SPATA25: variants seen among roughly 807,000 people sequenced by gnomAD.
SPATA25 encodes spermatogenesis associated 25, also known as spermatogenesis-associated protein 25.
Under a neutral mutation model 16.0 loss-of-function variants are expected in SPATA25, and 16 were observed. That is an observed-to-expected ratio of 1.00 (90% CI 0.68 to 1.52). SPATA25 has a LOEUF of 1.52. SPATA25 is among the 40% of genes most tolerant of loss of function. SPATA25 has a pLI of 0.00. For synonymous variants in SPATA25, 115 were observed against 118.5 expected (o/e 0.97, Z 0.19); for missense variants, 285 against 289.2 (o/e 0.99, Z 0.11).
rs2145805236 is a variant in SPATA25 at position 45,887,599 on chromosome 20, C to G, written c.-9G>C. ...GTCCTGAAGTAGGACATGGCTTCCC[C>G]AAAGCCCCGGTTTGTGAGGGAATAG... On this transcript the variant is annotated 5_prime_UTR_variant, in exon 1 of 2. Transcript: ENST00000372519. 6.2e-7 allele frequency: 1 copy of G among 1,613,146 alleles called. No individual in the cohort carries two copies. Among genetic ancestry groups the G allele is most frequent in the South Asian group, 1.1e-5 (1 of 90,812 alleles).
At chr20:45,888,771 C>G (rs1432006369), upstream of SPATA25, 3 of 1,613,988 alleles carry the variant, frequency 1.9e-6, no homozygotes, top group African/African-American at 2.7e-5. Context: ...CTCATACTTG[C>G]AGAAATCCTT....
At chr20:45,889,036 T>C, upstream of SPATA25, 1 of 710,180 alleles carries the variant, frequency 1.4e-6, no homozygotes, top group East Asian at 2.7e-5. Context: ...AAGCACCTCT[T>C]CCTGAGAGCT....
chr20:45,890,361 C>A, upstream of SPATA25: 1 of 1,612,870 alleles, frequency 6.2e-7, no homozygotes, highest in Middle Eastern at 1.6e-4. Context: ...CCCATGTCCT[C>A]GCCGTTGATG....
At chr20:45,887,193 AG>A in intron 1 of SPATA25, 48 bp from the exon 2 acceptor site, 1 of 1,536,320 alleles carries the variant, frequency 6.5e-7, no homozygotes, top group Non-Finnish European at 8.7e-7. Context: ...TTCTTTGAGG[AG>A]GGGGCCCTGA....
At chr20:45,890,455 G>C (rs1173090985), upstream of SPATA25, 1 of 1,606,416 alleles carries the variant, frequency 6.2e-7, no homozygotes. Flanking sequence ...GAGGCAGCAC[G>C]TTCAGCTCAT....
At chr20:45,889,324 C>G (rs557454731), upstream of SPATA25, among the ~76,000 whole-genome samples, 5 of 152,116 alleles carry the variant, frequency 3.3e-5, no homozygotes, top group South Asian at 1.0e-3. Context: ...GCCAATATGC[C>G]CAAGTCTATG....
At chr20:45,890,258 T>TGTAGGTAGGTA (rs1986695460), upstream of SPATA25, 3 of 1,613,718 alleles carry the variant, frequency 1.9e-6, no homozygotes, top group African/African-American at 4.0e-5. Context: ...ACAGCCATAC[T>TGTAGGTAGGTA]CGAGCTGGAC....
Position 45,887,117 on chromosome 20 carries a change from A to G in SPATA25, c.84T>C (p.Leu28=), listed in dbSNP as rs765029599. 4 of 1,597,038 alleles carry G rather than the reference A, an allele frequency of 2.5e-6. No homozygotes were observed. The Admixed American group carries it at 5.0e-5, about 20-fold the overall frequency. ...CTGGCTCTACAGGACTACAGAGGCC[A>G]AGGGACAAGCCTGGAGAAGCAGCCC... ...QGGAASPGLS[L]GLCSPVEPVV... Residue 28 remains leucine, a synonymous_variant, in exon 2 of 2, where the codon CTT becomes CTC. Coordinates refer to ENST00000372519, the MANE Select transcript of SPATA25 (RefSeq NM_080608.4).
At chr20:45,888,795 A>G, upstream of SPATA25, 1 of 1,614,126 alleles carries the variant, frequency 6.2e-7, no homozygotes, top group Non-Finnish European at 8.5e-7. Context: ...TTCTTTGGGC[A>G]GGTGGAGCCC....
At position 45,886,821 on chromosome 20, in the gene SPATA25, A is replaced by G. The variant is rs767533722; in HGVS notation, c.380T>C (p.Leu127Pro). The stretch of plus-strand genomic sequence containing the variant: ...TAGAACCCGTGGTGACAGCCCACAC[A>G]GCATCAGGGGCCTAGGCCTGCTGGG... ...GGPSRPRPLM[L>P]CGLSPRVLPV... Residue 127 changes from leucine to proline, a missense_variant, in exon 2 of 2, where the codon CTG (leucine) becomes CCG (proline). By Grantham distance (98) the Leu-to-Pro change is moderately conservative. Coordinates refer to ENST00000372519, the MANE Select transcript of SPATA25 (RefSeq NM_080608.4). 1.2e-6 allele frequency: 2 copies of G among 1,613,908 alleles called. No homozygotes were observed. Among genetic ancestry groups the G allele is most frequent in the Non-Finnish European group, 1.7e-6 (2 of 1,180,034 alleles).
Position 45,887,563 on chromosome 20 carries a change from GAGTTTGTGGAGTC to G in SPATA25, c.15_27del (p.Arg5SerfsTer26), listed in dbSNP as rs781642138. On this transcript the variant is annotated frameshift_variant, in exon 1 of 2. Transcript: ENST00000372519. LOFTEE classifies it high-confidence loss of function. ...TGGCCGGAAGGCAGAGGACCTGGAT[GAGTTTGTGGAGTC>G]CTGAAGTAGGACATGGCTTCCCCAA... is the stretch of plus-strand genomic sequence containing the variant. The G allele has an allele frequency of 1.9e-6, 3 of 1,613,734 alleles. No individual in the cohort carries two copies. The African/African-American group carries it at 4.0e-5, about 22-fold the overall frequency.
In SPATA25 at chr20:45,886,851, C is replaced by G; in HGVS notation, c.350G>C (p.Gly117Ala). 6.2e-7 allele frequency: 1 copy of G among 1,613,986 alleles called. No homozygotes were observed. The highest frequency in any genetic ancestry group is 1.3e-5 in the African/African-American group (1 of 75,072). Residue 117 changes from glycine (G) to alanine (A), a missense_variant, in exon 2 of 2, where the codon GGT (glycine) becomes GCT (alanine). Physicochemically the swap from Gly to Ala is moderately conservative, Grantham distance 60. Coordinates refer to ENST00000372519, the MANE Select transcript of SPATA25 (RefSeq NM_080608.4). ...CAGGGGCCTAGGCCTGCTGGGGCCACCCAGGTCAGGGGCTCTGCTTCTGGA... is the reference window on the plus strand; with the variant it reads ...CAGGGGCCTAGGCCTGCTGGGGCCAGCCAGGTCAGGGGCTCTGCTTCTGGA... ...GYSRSRAPDLGGPSRPRPLML... is the reference protein window; with the variant it reads ...GYSRSRAPDLAGPSRPRPLML...
At chr20:45,888,066 G>A (rs936216033), upstream of SPATA25, among the ~76,000 whole-genome samples, 1 of 152,132 alleles carries the variant, frequency 6.6e-6, no homozygotes, top group African/African-American at 2.4e-5. Context: ...CTGGAAGGCT[G>A]GAGTGCAGGA....
chr20:45,889,197 A>C (rs1986611698), upstream of SPATA25, among the ~76,000 whole-genome samples: 1 of 152,146 alleles, frequency 6.6e-6, no homozygotes, highest in Middle Eastern at 3.2e-3. Flanking sequence ...GTTCTGGTGC[A>C]TTGAGTTCAT....
At chr20:45,890,567 A>T, upstream of SPATA25, 1 of 1,612,006 alleles carries the variant, frequency 6.2e-7, no homozygotes, top group Middle Eastern at 1.7e-4. Context: ...TGGTTCCACG[A>T]GGAGGGTTGG....
chr20:45,888,954 C>T (rs1302653184), upstream of SPATA25: 5 of 1,540,358 alleles, frequency 3.2e-6, no homozygotes, highest in Non-Finnish European at 4.4e-6. Flanking sequence ...AGGTCATGGT[C>T]CCCACTTTGT....
chr20:45,888,687 C>G (rs1986576284), upstream of SPATA25: 2 of 1,510,406 alleles, frequency 1.3e-6, no homozygotes, highest in East Asian at 4.5e-5. Flanking sequence ...AGCAATGTGG[C>G]CAACTTCGGA....
chr20:45,887,285 T>C (rs1986521874), intron 1 of SPATA25, 140 bp from the exon 2 acceptor site: 5 of 1,075,086 alleles, frequency 4.7e-6, no homozygotes, highest in Non-Finnish European at 5.2e-6. Context: ...GAACTAGGTG[T>C]TACTCATATC....
upstream of SPATA25, among the ~76,000 whole-genome samples, chr20:45,888,051 C>T (rs1434902351): frequency 6.6e-6 from 1 of 152,136 alleles, no homozygotes; most frequent in Non-Finnish European, 1.5e-5. Flanking sequence ...ACTTTGTCGC[C>T]ATGACTGGAA....
Sources: gnomAD v4.1 joint callset for allele counts (sites outside exome capture counted in the v4.1 genomes callset) on GRCh38, gnomAD v4.1.1 for gene constraint, MANE v1.5 for transcripts, NCBI Gene and HGNC (gene_info 2026-07-23, HGNC 2026-07-21) for gene names.